The following LUZP2 variants were observed in gnomAD, a reference collection of about 807,000 sequenced individuals.
The protein encoded by LUZP2 is leucine zipper protein 2.
Under a neutral mutation model 51.6 loss-of-function variants are expected in LUZP2, and 52 were observed. The observed-to-expected ratio is 1.01, with a 90% CI of 0.81 to 1.27. LUZP2 has a LOEUF of 1.27. Among genes scored for constraint, LUZP2 ranks in the 50% most tolerant of loss-of-function variants. The probability of loss-of-function intolerance (pLI) is 0.00; values close to 1 mark genes in which losing one functional copy is unlikely to be tolerated. For synonymous variants in LUZP2, 154 were observed against 137.3 expected, an observed-to-expected ratio of 1.12 and a Z score of -0.85; for missense variants, 436 against 395.4, an observed-to-expected ratio of 1.10 and a Z score of -0.87.
At chr11:24,568,188 T>C (rs4397854) in intron 1 of LUZP2, among the ~76,000 whole-genome samples, 151,135 of 152,126 alleles carry the variant, frequency 0.99, 75,080 homozygotes, top group East Asian at 1. Flanking sequence ...GGCGAAACCC[T>C]GTCTCTACTA....
chr11:24,879,898 C>T (rs1852405054), intron 5 of LUZP2, among the ~76,000 whole-genome samples: 1 of 152,088 alleles, frequency 6.6e-6, no homozygotes, highest in Admixed American at 6.6e-5. Flanking sequence ...TTTTCAGCTC[C>T]TGAAGTGTGC....
chr11:24,518,358 TA>T (rs1299073976), intron 1 of LUZP2, among the ~76,000 whole-genome samples: 12 of 152,160 alleles, frequency 7.9e-5, no homozygotes, highest in Admixed American at 3.9e-4. Context: ...GATCTTTGAT[TA>T]TTTTTTTTAA....
At chr11:24,884,018 G>A (rs879852562) in intron 5 of LUZP2, among the ~76,000 whole-genome samples, 2 of 152,158 alleles carry the variant, frequency 1.3e-5, no homozygotes, top group Non-Finnish European at 2.9e-5. Flanking sequence ...CAAAGAGAGG[G>A]TGGCAGGTGT....
At chr11:24,566,940 C>CATATAATGTATAT (rs1852261082) in intron 1 of LUZP2, among the ~76,000 whole-genome samples, 1 of 3,278 alleles carries the variant, frequency 3.1e-4, no homozygotes, top group Non-Finnish European at 6.1e-4. Flanking sequence ...TATATATATA[C>CATATAATGTATAT]ATAAATATAT....
chr11:24,721,923 A>G (rs1858285051), intron 1 of LUZP2, among the ~76,000 whole-genome samples: 1 of 152,196 alleles, frequency 6.6e-6, no homozygotes, highest in South Asian at 2.1e-4. Context: ...AAACAGTGAC[A>G]CTAACAAAAT....
chr11:24,793,587 A>G (rs1279185562), intron 5 of LUZP2, among the ~76,000 whole-genome samples: 1 of 152,216 alleles, frequency 6.6e-6, no homozygotes, highest in Admixed American at 6.5e-5. Context: ...GAATACCATG[A>G]TAAGGGAGAG....
At chr11:24,836,515 A>G (rs957420630) in intron 5 of LUZP2, among the ~76,000 whole-genome samples, 6 of 152,020 alleles carry the variant, frequency 3.9e-5, no homozygotes, top group East Asian at 1.9e-4. Context: ...GGTTTATAAC[A>G]ATCAATAAGG....
chr11:24,595,566 G>A (rs1347991395), intron 1 of LUZP2, among the ~76,000 whole-genome samples: 2 of 152,112 alleles, frequency 1.3e-5, no homozygotes, highest in South Asian at 2.1e-4. Context: ...TACATTAGAG[G>A]TTATTCATCA....
chr11:24,630,642 T>C (rs1854848731), intron 1 of LUZP2, among the ~76,000 whole-genome samples: 1 of 151,742 alleles, frequency 6.6e-6, no homozygotes, highest in Non-Finnish European at 1.5e-5. Flanking sequence ...AGCTTTGTTC[T>C]CTTTCCTTGT....
At chr11:24,625,296 T>C (rs1023093830) in intron 1 of LUZP2, among the ~76,000 whole-genome samples, 1 of 151,398 alleles carries the variant, frequency 6.6e-6, no homozygotes, top group African/African-American at 2.4e-5. Flanking sequence ...TCAGTATGTA[T>C]TGTATACTTG....
At chr11:24,764,516 A>AAAAAAAAAAAAG (rs1860111595) in intron 5 of LUZP2, among the ~76,000 whole-genome samples, 3 of 145,926 alleles carry the variant, frequency 2.1e-5, no homozygotes, top group South Asian at 2.2e-4. Context: ...AAAAAAAAAA[A>AAAAAAAAAAAAG]TTAGCTGGGA....
intron 5 of LUZP2, among the ~76,000 whole-genome samples, chr11:24,813,526 G>A (rs1223299378): frequency 6.6e-6 from 1 of 152,100 alleles, no homozygotes; most frequent in East Asian, 1.9e-4. Context: ...AGGGAGTCAG[G>A]GGTGGTGCCA....
intron 7 of LUZP2, among the ~76,000 whole-genome samples, chr11:24,964,598 A>G (rs1855527768): frequency 6.6e-6 from 1 of 152,094 alleles, no homozygotes. Flanking sequence ...CTTCTTTGAA[A>G]TCTCTTTAAA....
At chr11:24,868,174 A>C (rs1220530969) in intron 5 of LUZP2, among the ~76,000 whole-genome samples, 1 of 152,148 alleles carries the variant, frequency 6.6e-6, no homozygotes, top group African/African-American at 2.4e-5. Flanking sequence ...GAAGACAATT[A>C]AGAAGCAGTA....
intron 5 of LUZP2, chr11:24,786,298 A>C: frequency 1.0e-6 from 1 of 976,612 alleles, no homozygotes; most frequent in Non-Finnish European, 1.2e-6. Context: ...AGAAAATAGT[A>C]TGTTTTATTA....
At chr11:25,020,957 G>A (rs7112294) in intron 9 of LUZP2, among the ~76,000 whole-genome samples, 88,854 of 151,760 alleles carry the variant, frequency 0.59, 27,220 homozygotes, top group African/African-American at 0.77. Context: ...AGAACAGAAA[G>A]ATGAAAAGTT....
intron 1 of LUZP2, among the ~76,000 whole-genome samples, chr11:24,638,729 T>A (rs1172609596): frequency 1.3e-5 from 2 of 151,520 alleles, no homozygotes; most frequent in Admixed American, 1.3e-4. Context: ...TAATTAAAAA[T>A]AATTTAAAAA....
intron 5 of LUZP2, among the ~76,000 whole-genome samples, chr11:24,855,482 G>A (rs1297485319): frequency 6.6e-6 from 1 of 152,144 alleles, no homozygotes; most frequent in Non-Finnish European, 1.5e-5. Flanking sequence ...CAAACTAATG[G>A]AAAAGTATTT....
chr11:24,795,151 A>G (rs1391773049), intron 5 of LUZP2, among the ~76,000 whole-genome samples: 2 of 152,160 alleles, frequency 1.3e-5, no homozygotes, highest in Admixed American at 1.3e-4. Context: ...AATCATATGG[A>G]CAATATACAT....
Sources: gnomAD v4.1 joint callset for allele counts (sites outside exome capture counted in the v4.1 genomes callset) on GRCh38, gnomAD v4.1.1 for gene constraint, MANE v1.5 for transcripts, NCBI Gene and HGNC (gene_info 2026-07-23, HGNC 2026-07-21) for gene names.